ANKS1B: variants seen among roughly 807,000 people sequenced by gnomAD.
ANKS1B encodes ankyrin repeat and sterile alpha motif domain-containing protein 1B.
ANKS1B carries 36 observed loss-of-function variants against 148.3 expected under a neutral mutation model. That is an observed-to-expected ratio of 0.24 (90% confidence interval 0.19 to 0.32). ANKS1B has a LOEUF of 0.32. Among genes scored for constraint, ANKS1B ranks in the 10% least tolerant of loss-of-function variants. The pLI, the probability that ANKS1B is intolerant of heterozygous loss-of-function variation, is 1.00. For synonymous variants in ANKS1B, 542 were observed against 560.8 expected, an observed-to-expected ratio of 0.97 and a Z score of 0.47; for missense variants, 1,157 against 1,542.6, an observed-to-expected ratio of 0.75 and a Z score of 4.19.
At chr12:99,794,234 A>G (rs1172118520) in intron 4 of ANKS1B, among the ~76,000 whole-genome samples, 12 of 152,078 alleles carry the variant, frequency 7.9e-5, no homozygotes, top group Non-Finnish European at 1.5e-5. Context: ...AATGTGAATT[A>G]GTACAACCAC....
At position 99,388,124 on chromosome 12, in the gene ANKS1B, T is replaced by A. The variant is rs539292550; in HGVS notation, c.1756+11507A>T. Among the ~76,000 whole-genome samples, 8 of 152,200 alleles carry A rather than the reference T, an allele frequency of 5.3e-5. No homozygotes were observed. The South Asian group carries it at 1.7e-3, about 32-fold the overall frequency. ...AACAGCGGAATGGCATGATCAGATA[T>A]CCTTTTTAAAAAAATAAAAATAAAA... On this transcript the variant is annotated intron_variant, in intron 12 of 26. Coordinates refer to ENST00000683438, the MANE Select transcript of ANKS1B (RefSeq NM_001352186.2).
chr12:99,677,129 A>C (rs895191050), intron 8 of ANKS1B, among the ~76,000 whole-genome samples: 1 of 152,250 alleles, frequency 6.6e-6, no homozygotes, highest in South Asian at 2.1e-4. Context: ...AAGGGCTTAT[A>C]AAAGTGAATC....
In ANKS1B at chr12:98,847,498, T is replaced by C. The variant is rs2099487158; in HGVS notation, c.2779-15362A>G. Among the ~76,000 whole-genome samples the C allele has an allele frequency of 2.0e-5, 3 of 152,352 alleles. No individual in the cohort carries two copies. The South Asian group carries it at 6.2e-4, about 32-fold the overall frequency. On this transcript the variant is annotated intron_variant, in intron 17 of 26. Transcript: ENST00000683438. ...GTATGTATACACTACATTTTCTTTA[T>C]TCATCTAATGATGGAAATACAGATT...
At chr12:99,433,910 A>C (rs2095419301) in intron 11 of ANKS1B, among the ~76,000 whole-genome samples, 1 of 152,118 alleles carries the variant, frequency 6.6e-6, no homozygotes, top group Admixed American at 6.6e-5. Context: ...TGGTTGGTTA[A>C]AAGTTATTTT....
At chr12:99,123,013 T>TATATATATATATATATAA (rs1406812994) in intron 15 of ANKS1B, among the ~76,000 whole-genome samples, 41 of 145,680 alleles carry the variant, frequency 2.8e-4, no homozygotes, top group African/African-American at 9.6e-4. Context: ...TATATATATA[T>TATATATATATATATATAA]AAACATGTAT....
At chr12:98,845,794 C>A (rs982235469) in intron 17 of ANKS1B, among the ~76,000 whole-genome samples, 3 of 151,128 alleles carry the variant, frequency 2.0e-5, no homozygotes, top group Admixed American at 2.0e-4. Context: ...ATTAACATGA[C>A]AAAAACCTCT....
At chr12:99,462,411 T>C (rs1179848314) in intron 10 of ANKS1B, among the ~76,000 whole-genome samples, 4 of 152,216 alleles carry the variant, frequency 2.6e-5, no homozygotes, top group Admixed American at 1.3e-4. Flanking sequence ...GATGGCTATA[T>C]TGAGACTTCA....
At chr12:99,438,846 C>T (rs931568738) in intron 11 of ANKS1B, among the ~76,000 whole-genome samples, 3 of 151,632 alleles carry the variant, frequency 2.0e-5, no homozygotes, top group Admixed American at 2.0e-4. Context: ...TTTACCACTT[C>T]ATTGCATCAT....
At chr12:98,776,626 G>A (rs904402324) in intron 24 of ANKS1B, among the ~76,000 whole-genome samples, 7 of 152,198 alleles carry the variant, frequency 4.6e-5, no homozygotes, top group Non-Finnish European at 8.8e-5. Flanking sequence ...AGAAGGGCGC[G>A]TGGTGATGAA....
At chr12:99,890,081 G>A (rs1039147668) in intron 1 of ANKS1B, among the ~76,000 whole-genome samples, 8 of 152,102 alleles carry the variant, frequency 5.3e-5, no homozygotes, top group Non-Finnish European at 1.0e-4. Flanking sequence ...TGAAAAGCAT[G>A]GTCGCTGATT....
intron 1 of ANKS1B, among the ~76,000 whole-genome samples, chr12:99,886,521 C>T (rs995588880): frequency 3.9e-4 from 59 of 152,118 alleles, no homozygotes; most frequent in African/African-American, 1.2e-3. Context: ...ATCTTCCTCA[C>T]CCTGTATATA....
In ANKS1B at chr12:98,897,179, T is replaced by C. The variant is rs116824709; in HGVS notation, c.2779-65043A>G. On this transcript the variant is annotated intron_variant, in intron 17 of 26. Transcript: ENST00000683438. The stretch of plus-strand genomic sequence containing the variant: ...GAGGGGAAGTCGCTGTCCATGGTGG[T>C]CGTTACTGAAGCCCCATTCAGCAAA... Among the ~76,000 whole-genome samples, 1,227 of 152,220 alleles carry C rather than the reference T, an allele frequency of 8.1e-3. 12 individuals carry two copies. The highest frequency in any genetic ancestry group is 0.025 in the African/African-American group (1,037 of 41,524).
rs577189599 is a variant in ANKS1B, at chr12:98,937,431, T to C, written c.2779-105295A>G. 4.7e-4 allele frequency among the ~76,000 whole-genome samples: 72 copies of C among 152,240 alleles called. 1 individual carries two copies. The highest frequency in any genetic ancestry group is 4.4e-3 in the South Asian group (21 of 4,816). On this transcript the variant is annotated intron_variant, in intron 17 of 26. Coordinates refer to ENST00000683438, the MANE Select transcript of ANKS1B (RefSeq NM_001352186.2). ...CCCTCCAGCTTCATTTCCTCCCCCATTGCTTCTCCTTCTACTTAATGAACT... is the reference window on the plus strand; with the variant it reads ...CCCTCCAGCTTCATTTCCTCCCCCACTGCTTCTCCTTCTACTTAATGAACT...
intron 17 of ANKS1B, among the ~76,000 whole-genome samples, chr12:98,925,047 T>C (rs1223049742): frequency 6.6e-6 from 1 of 152,166 alleles, no homozygotes; most frequent in Non-Finnish European, 1.5e-5. Context: ...ACACACAAAA[T>C]ATGGTTCTAT....
At chr12:99,763,480 C>A (rs1332275058) in intron 8 of ANKS1B, among the ~76,000 whole-genome samples, 1 of 151,978 alleles carries the variant, frequency 6.6e-6, no homozygotes, top group Non-Finnish European at 1.5e-5. Context: ...AAGAGGGGAA[C>A]TACAGACAAT....
At chr12:99,507,689 C>T (rs1478724997) in intron 9 of ANKS1B, among the ~76,000 whole-genome samples, 1 of 151,778 alleles carries the variant, frequency 6.6e-6, no homozygotes, top group South Asian at 2.1e-4. Context: ...GTGAGGCCCC[C>T]GCGGGAAGGA....
intron 1 of ANKS1B, among the ~76,000 whole-genome samples, chr12:99,982,610 TA>T (rs2095719091): frequency 6.6e-6 from 1 of 152,204 alleles, no homozygotes; most frequent in African/African-American, 2.4e-5. Flanking sequence ...TGTAAAGAGA[TA>T]AATTGCTTTC....
chr12:99,457,307 A>G (rs895747947), intron 10 of ANKS1B, among the ~76,000 whole-genome samples: 3 of 151,330 alleles, frequency 2.0e-5, no homozygotes, highest in African/African-American at 7.4e-5. Context: ...GAAATACACC[A>G]AAATAGAATC....
intron 9 of ANKS1B, among the ~76,000 whole-genome samples, chr12:99,566,859 A>T (rs928082085): frequency 4.6e-5 from 7 of 152,324 alleles, no homozygotes; most frequent in African/African-American, 1.7e-4. Context: ...ATGGACTAAG[A>T]CATAGGCTTC....
Sources: gnomAD v4.1 joint callset for allele counts (sites outside exome capture counted in the v4.1 genomes callset) on GRCh38, gnomAD v4.1.1 for gene constraint, MANE v1.5 for transcripts, NCBI Gene and HGNC (gene_info 2026-07-23, HGNC 2026-07-21) for gene names.